NRN1: variants seen among roughly 807,000 people sequenced by gnomAD.
NRN1 encodes the protein neuritin.
NRN1 carries 4 observed loss-of-function variants against 15.0 expected under a neutral mutation model. The ratio of observed to expected loss-of-function variants is 0.27; its 90% CI spans 0.13 to 0.61. The LOEUF (loss-of-function observed/expected upper bound fraction) is 0.61. Ranked by LOEUF, NRN1 falls within the 20% of genes least tolerant of loss-of-function variation. The probability of loss-of-function intolerance (pLI) is 0.87; values close to 1 mark genes in which losing one functional copy is unlikely to be tolerated. For missense variants in NRN1, 134 were observed against 181.9 expected, an observed-to-expected ratio of 0.74 and a Z score of 1.51; for synonymous variants, 85 against 79.8, an observed-to-expected ratio of 1.07 and a Z score of -0.35.
Position 5,999,051 on chromosome 6 carries a change from C to A in NRN1, c.354G>T (p.Ala118=), listed in dbSNP as rs201970505. The stretch of plus-strand genomic sequence containing the variant: ...CCGGGAACGCCGGGAGCAGGGACCC[C>A]GCCGCCCCGTTGCCGCTGCCGCAGA... ...FELCGSGNGA[A]GSLLPAFPVL... The change falls in exon 3 of 3, where the codon GCG becomes GCT. Residue 118 remains alanine (A), a synonymous_variant. Transcript: ENST00000244766. 18 of 1,613,928 alleles carry A rather than the reference C, an allele frequency of 1.1e-5. No homozygotes were observed. The highest frequency in any genetic ancestry group is 5.1e-6 in the Non-Finnish European group (6 of 1,179,946).
At chr6:6,004,604 C>G (rs563420649) in intron 1 of NRN1, among the ~76,000 whole-genome samples, 1 of 152,216 alleles carries the variant, frequency 6.6e-6, no homozygotes, top group African/African-American at 2.4e-5. Context: ...TAAAATAAGT[C>G]GTGAACATTT....
intron 1 of NRN1, chr6:6,003,343 C>A (rs1316891591): frequency 3.4e-6 from 3 of 895,068 alleles, no homozygotes; most frequent in Non-Finnish European, 4.4e-6. Context: ...CCGCAAAGGC[C>A]AAATCCACGA....
At position 6,002,481 on chromosome 6, in the gene NRN1, G is replaced by A; in HGVS notation, c.72C>T (p.Ala24=). The A allele has an allele frequency of 2.5e-6, 4 of 1,613,926 alleles. No individual in the cohort carries two copies. The highest frequency in any genetic ancestry group is 3.4e-6 in the Non-Finnish European group (4 of 1,179,924). ...CATCGCACTTGCCCGCTGCTCTCAC[G>A]GCCTGCACCAGATACGCTGCGGGGA... ...LAVQIAYLVQ[A]VRAAGKCDAV... Residue 24 remains alanine, a synonymous_variant, in exon 2 of 3, where the codon GCC becomes GCT. Coordinates refer to ENST00000244766, the MANE Select transcript of NRN1 (RefSeq NM_016588.3).
At chr6:6,003,092 G>T in intron 1 of NRN1, 1 of 812,442 alleles carries the variant, frequency 1.2e-6, no homozygotes, top group South Asian at 6.2e-5. Flanking sequence ...ACTGCTGAAT[G>T]AATGAACGAA....
At chr6:6,001,637 C>T (rs148236051) in intron 2 of NRN1, among the ~76,000 whole-genome samples, 434 of 152,296 alleles carry the variant, frequency 2.8e-3, no homozygotes, top group African/African-American at 1.0e-2. Flanking sequence ...AAGGAGAGTG[C>T]CTATTCCAAA....
rs1245730488 is a variant in NRN1 at position 5,998,871 on chromosome 6, T to A, written c.*105A>T. 1.4e-6 allele frequency: 1 copy of A among 729,566 alleles called. No homozygotes were observed. Among genetic ancestry groups the A allele is most frequent in the African/African-American group, 1.8e-5 (1 of 56,552 alleles). The allele number at this position is 729,566 out of a possible 1,614,324, so 45.2% of individuals were successfully genotyped here. Reference sequence around the variant, plus strand: ...CAATCCTATATGAGTGTTTTCAGCATCACAGAGAATCACAACGTCCCCAAA... The same window carrying A: ...CAATCCTATATGAGTGTTTTCAGCAACACAGAGAATCACAACGTCCCCAAA... On this transcript the variant is annotated 3_prime_UTR_variant, in exon 3 of 3. Coordinates refer to ENST00000244766, the MANE Select transcript of NRN1 (RefSeq NM_016588.3).
Position 5,998,502 on chromosome 6 carries a change from T to C in NRN1, c.*474A>G, listed in dbSNP as rs1757829390. ...GGAAGAACGACGTGAGCGTGAATTATTCACCGTATGTTTCGTCCGTGGACA... is the reference window on the plus strand; with the variant it reads ...GGAAGAACGACGTGAGCGTGAATTACTCACCGTATGTTTCGTCCGTGGACA... On this transcript the variant is annotated 3_prime_UTR_variant, in exon 3 of 3. Coordinates refer to ENST00000244766, the MANE Select transcript of NRN1 (RefSeq NM_016588.3). 1 of 153,750 alleles carries C rather than the reference T, an allele frequency of 6.5e-6. No homozygotes were observed. Among genetic ancestry groups the C allele is most frequent in the Admixed American group, 6.4e-5 (1 of 15,518 alleles). 9.5% of individuals were successfully genotyped at this position (153,750 alleles called of 1,614,324 possible). A position where few individuals can be genotyped will look rare whatever the true frequency, so the allele number is the denominator to read the frequency against.
intron 1 of NRN1, chr6:6,002,708 T>TG: frequency 1.6e-6 from 1 of 629,826 alleles, no homozygotes; most frequent in Non-Finnish European, 2.7e-6. Flanking sequence ...TAGTGCAAAT[T>TG]GTCGGTGTGT....
At chr6:6,003,069 G>T in intron 1 of NRN1, 1 of 667,758 alleles carries the variant, frequency 1.5e-6, no homozygotes, top group Non-Finnish European at 2.1e-6. Flanking sequence ...TCCTTGGTGG[G>T]CGCTCAGCAA....
At chr6:6,001,974 A>T (rs1215728000) in intron 2 of NRN1, among the ~76,000 whole-genome samples, 1 of 152,252 alleles carries the variant, frequency 6.6e-6, no homozygotes, top group Non-Finnish European at 1.5e-5. Flanking sequence ...GCAAAGAATG[A>T]TCAAGATTGC....
At chr6:6,003,302 G>C in intron 1 of NRN1, 1 of 1,213,470 alleles carries the variant, frequency 8.2e-7, no homozygotes, top group Non-Finnish European at 1.0e-6. Context: ...GAGGCCGGGC[G>C]GGGTCACGGA....
rs767063840 is a variant in NRN1, at chr6:5,998,717, T to C, written c.*259A>G. 1.1e-5 allele frequency: 4 copies of C among 373,736 alleles called. No homozygotes were observed. The highest frequency in any genetic ancestry group is 1.9e-5 in the Non-Finnish European group (4 of 209,920). 23.2% of individuals were successfully genotyped at this position (373,736 alleles called of 1,614,324 possible). A position where few individuals can be genotyped will look rare whatever the true frequency, so the allele number is the denominator to read the frequency against. On this transcript the variant is annotated 3_prime_UTR_variant, in exon 3 of 3. Coordinates refer to ENST00000244766, the MANE Select transcript of NRN1 (RefSeq NM_016588.3). ...ATGGGGTGGGTTTGCCGTTTTCTTA[T>C]TTGTGTGTGAAGACGGACTAAAGCT... is the stretch of plus-strand genomic sequence containing the variant.
chr6:6,000,071 G>A (rs1431868914), intron 2 of NRN1, among the ~76,000 whole-genome samples: 1 of 152,200 alleles, frequency 6.6e-6, no homozygotes, highest in Non-Finnish European at 1.5e-5. Context: ...TCTTTTCCGT[G>A]GGCTTGGGCC....
rs766820729 is a variant in NRN1 at position 5,999,095 on chromosome 6, G to C, written c.310C>G (p.Gln104Glu). 3.1e-6 allele frequency: 5 copies of C among 1,614,166 alleles called. No homozygotes were observed. In the South Asian group the frequency reaches 5.5e-5, roughly 18 times the overall value. The change falls in exon 3 of 3, where the codon CAA becomes GAA. Residue 104 changes from glutamine to glutamate, a missense_variant. Gln to Glu is a conservative substitution (Grantham distance 29). Coordinates refer to ENST00000244766, the MANE Select transcript of NRN1 (RefSeq NM_016588.3). ...LRKESKNLNI[Q>E]GSLFELCGSG... is the part of the protein sequence containing the mutation. ...CCGCAGAGTTCGAATAAGCTGCCTT[G>C]GATGTTGAGGTTTTTGGATTCTTTT...
At position 6,002,501 on chromosome 6, in the gene NRN1, C is replaced by A. The variant is rs758302617; in HGVS notation, c.56-4G>T. On this transcript the variant is annotated splice_polypyrimidine_tract_variant and splice_region_variant and intron_variant, in intron 1 of 2. Transcript: ENST00000244766. ...CTCACGGCCTGCACCAGATACGCTG[C>A]GGGGAGGAGGGAACACCGGTCAGCA... 1.5e-5 allele frequency: 24 copies of A among 1,612,504 alleles called. No individual in the cohort carries two copies. The South Asian group carries it at 2.4e-4, about 16-fold the overall frequency.
intron 2 of NRN1, among the ~76,000 whole-genome samples, chr6:5,999,855 T>C (rs1757890013): frequency 6.6e-6 from 1 of 152,114 alleles, no homozygotes; most frequent in African/African-American, 2.4e-5. Flanking sequence ...TCTTCCTCCT[T>C]CCCACAACCT....
At chr6:6,001,908 A>G (rs1374552198) in intron 2 of NRN1, among the ~76,000 whole-genome samples, 1 of 152,258 alleles carries the variant, frequency 6.6e-6, no homozygotes, top group Non-Finnish European at 1.5e-5. Context: ...ACACTCCTCA[A>G]ATCCAAACTA....
rs1757843414 is a variant in NRN1, at chr6:5,998,884, C to G, written c.*92G>C. 7 of 836,464 alleles carry G rather than the reference C, an allele frequency of 8.4e-6. No homozygotes were observed. The highest frequency in any genetic ancestry group is 9.5e-6 in the Non-Finnish European group (5 of 525,526). The allele number at this position is 836,464 out of a possible 1,614,324, so 51.8% of individuals were successfully genotyped here. On this transcript the variant is annotated 3_prime_UTR_variant, in exon 3 of 3. Transcript: ENST00000244766. ...GTGTTTTCAGCATCACAGAGAATCA[C>G]AACGTCCCCAAAGAACTAATGGATC...
chr6:6,004,188 C>G, intron 1 of NRN1: 1 of 224,306 alleles, frequency 4.5e-6, no homozygotes, highest in Non-Finnish European at 7.6e-6. Context: ...TAAACCTTCT[C>G]AAACCTCCGA....
Sources: gnomAD v4.1 joint callset for allele counts (sites outside exome capture counted in the v4.1 genomes callset) on GRCh38, gnomAD v4.1.1 for gene constraint, MANE v1.5 for transcripts, NCBI Gene and HGNC (gene_info 2026-07-23, HGNC 2026-07-21) for gene names.